Variants in CCN3 observed in about 807,000 individuals in gnomAD.
CCN3 encodes CCN family member 3.
CCN3 carries 20 observed loss-of-function variants against 33.4 expected under a neutral mutation model. The observed-to-expected ratio is 0.60, with a 90% CI of 0.42 to 0.87. The LOEUF (loss-of-function observed/expected upper bound fraction) is 0.87, where lower values mean the gene tolerates loss of function less well. CCN3 is among the 40% of genes least tolerant of loss of function. CCN3 has a pLI of 0.00. For synonymous variants in CCN3, 205 were observed against 170.4 expected (o/e 1.20, Z -1.58); for missense variants, 465 against 455.3 (o/e 1.02, Z -0.19).
intron 4 of CCN3, among the ~76,000 whole-genome samples, chr8:119,421,130 TGCCTCA>T (rs1820118545): frequency 6.7e-6 from 1 of 149,632 alleles, no homozygotes; most frequent in Admixed American, 6.7e-5. Context: ...GCTATTCTCC[TGCCTCA>T]GCCTCCTCAG....
chr8:119,419,721 T>C (rs531451394), intron 4 of CCN3, among the ~76,000 whole-genome samples: 5 of 152,328 alleles, frequency 3.3e-5, no homozygotes, highest in African/African-American at 1.2e-4. Flanking sequence ...ATTCGTCAGG[T>C]TCTGTATGTA....
At position 119,419,225 on chromosome 8, in the gene CCN3, C is replaced by T; in HGVS notation, c.657C>T (p.Ser219=). Residue 219 remains serine (S), a synonymous_variant, in exon 4 of 5, where the codon AGC becomes AGT. Coordinates refer to ENST00000259526, the MANE Select transcript of CCN3 (RefSeq NM_002514.4). ...CAGAGTGGACAGCATGCTCCAAGAG[C>T]TGTGGTATGGGGTTCTCCACCCGGG... The part of the protein sequence containing the change: ...QTTEWTACSK[S]CGMGFSTRVT... 6.2e-7 allele frequency: 1 copy of T among 1,614,234 alleles called. No homozygotes were observed. The highest frequency in any genetic ancestry group is 8.5e-7 in the Non-Finnish European group (1 of 1,180,046).
chr8:119,421,270 A>G (rs1247233525), intron 4 of CCN3, among the ~76,000 whole-genome samples: 1 of 151,974 alleles, frequency 6.6e-6, no homozygotes, highest in East Asian at 1.9e-4. Flanking sequence ...CGGCCTCCCA[A>G]AGTGCTGGGA....
chr8:119,421,184 AT>A (rs1820119401), intron 4 of CCN3, among the ~76,000 whole-genome samples: 4 of 151,340 alleles, frequency 2.6e-5, no homozygotes, highest in African/African-American at 7.3e-5. Flanking sequence ...ATTTTTTTGT[AT>A]TTTTTAGTAG....
chr8:119,422,821 T>C lies in CCN3; in HGVS notation c.778-15T>C. ...TGGTAGCCATTCAATACATCACTTC[T>C]TTTTTCTTTCTTAGAAAGGAAAAAA... On this transcript the variant is annotated splice_polypyrimidine_tract_variant and intron_variant, in intron 4 of 4. Coordinates refer to ENST00000259526, the MANE Select transcript of CCN3 (RefSeq NM_002514.4). The C allele has an allele frequency of 6.3e-7, 1 of 1,587,214 alleles. No homozygotes were observed. Among genetic ancestry groups the C allele is most frequent in the Non-Finnish European group, 8.6e-7 (1 of 1,165,446 alleles).
chr8:119,419,124 C>T lies in CCN3; in HGVS notation c.563-7C>T, dbSNP rs1279190376. 4 of 1,610,162 alleles carry T rather than the reference C, an allele frequency of 2.5e-6. No individual in the cohort carries two copies. In the Admixed American group the frequency reaches 6.7e-5, roughly 27 times the overall value. ...AATATGGCTGTCTTTATTTATACAT[C>T]CCATAGCTTACAGGCCAGAAGCCAC... On this transcript the variant is annotated splice_polypyrimidine_tract_variant and splice_region_variant and intron_variant, in intron 3 of 4. Coordinates refer to ENST00000259526, the MANE Select transcript of CCN3 (RefSeq NM_002514.4).
In CCN3 at chr8:119,422,906, G is replaced by C. The variant is rs773615463; in HGVS notation, c.848G>C (p.Ser283Thr). Reference sequence around the variant, plus strand: ...CACCTGCAGTTCAAGAACTGCACCAGCCTGCACACCTACAAGCCCAGGTTC... The same window carrying C: ...CACCTGCAGTTCAAGAACTGCACCACCCTGCACACCTACAAGCCCAGGTTC... ...AIHLQFKNCT[S>T]LHTYKPRFCG... is the part of the protein sequence containing the mutation. Residue 283 changes from serine (S) to threonine (T), a missense_variant, in exon 5 of 5, where the codon AGC becomes ACC. Transcript: ENST00000259526. 6.2e-7 allele frequency: 1 copy of C among 1,614,026 alleles called. No homozygotes were observed. The highest frequency in any genetic ancestry group is 8.5e-7 in the Non-Finnish European group (1 of 1,179,984).
Position 119,419,316 on chromosome 8 carries a change from G to T in CCN3, c.748G>T (p.Glu250Ter). The T allele has an allele frequency of 6.2e-7, 1 of 1,613,962 alleles. No homozygotes were observed. The highest frequency in any genetic ancestry group is 1.1e-5 in the South Asian group (1 of 91,060). ...QTRLCMVRPC[E>*]QEPEQPTDKK... ...TCGGCTCTGCATGGTGCGGCCCTGT[G>T]AACAAGAGCCAGAGCAGCCAACAGA... is the stretch of plus-strand genomic sequence containing the variant. Residue 250 changes from glutamate to a stop codon, truncating the protein, a stop_gained, in exon 4 of 5, where the codon GAA becomes TAA. Transcript: ENST00000259526. LOFTEE classifies it high-confidence loss of function.
At position 119,419,310 on chromosome 8, in the gene CCN3, C is replaced by A. The variant is rs369402971; in HGVS notation, c.742C>A (p.Pro248Thr). The A allele has an allele frequency of 4.3e-6, 7 of 1,613,908 alleles. No individual in the cohort carries two copies. In the African/African-American group the frequency reaches 6.7e-5, roughly 15 times the overall value. ...LKQTRLCMVR[P>T]CEQEPEQPTD... ...ACAGACTCGGCTCTGCATGGTGCGG[C>A]CCTGTGAACAAGAGCCAGAGCAGCC... is the stretch of plus-strand genomic sequence containing the variant. Residue 248 changes from proline (P) to threonine (T), a missense_variant, in exon 4 of 5, where the codon CCC (proline) becomes ACC (threonine). Coordinates refer to ENST00000259526, the MANE Select transcript of CCN3 (RefSeq NM_002514.4).
chr8:119,418,063 G>C lies in CCN3; in HGVS notation c.316G>C (p.Glu106Gln). ...TTGCTTCCCCAATATTCTAGCGGTA[G>C]AGGGAGATAACTGTGTGTTCGATGG... ...SNQTGICTAV[E>Q]GDNCVFDGVI... Residue 106 changes from glutamate (E) to glutamine (Q), a missense_variant, in exon 3 of 5, where the codon GAG becomes CAG. By Grantham distance (29) the Glu-to-Gln change is conservative. Coordinates refer to ENST00000259526, the MANE Select transcript of CCN3 (RefSeq NM_002514.4). The C allele has an allele frequency of 6.2e-7, 1 of 1,611,194 alleles. No individual in the cohort carries two copies. The highest frequency in any genetic ancestry group is 1.7e-5 in the Admixed American group (1 of 59,978).
intron 4 of CCN3, among the ~76,000 whole-genome samples, chr8:119,420,582 C>A (rs1214337668): frequency 5.9e-5 from 9 of 152,114 alleles, no homozygotes; most frequent in Non-Finnish European, 1.3e-4. Flanking sequence ...TGCACTTCCC[C>A]ACGCTCAGAG....
At chr8:119,420,743 TAAG>T (rs984704834) in intron 4 of CCN3, among the ~76,000 whole-genome samples, 14 of 152,180 alleles carry the variant, frequency 9.2e-5, no homozygotes, top group South Asian at 2.1e-4. Flanking sequence ...ATTGAAAAAG[TAAG>T]AAGAAGTCCT....
In CCN3 at chr8:119,416,898, C is replaced by A; in HGVS notation, c.239C>A (p.Pro80Gln). The change falls in exon 2 of 5, where the codon CCA becomes CAA. Residue 80 changes from proline (P) to glutamine (Q), a missense_variant. By Grantham distance (76) the Pro-to-Gln change is moderately conservative. Coordinates refer to ENST00000259526, the MANE Select transcript of CCN3 (RefSeq NM_002514.4). The stretch of plus-strand genomic sequence containing the variant: ...GGCGAGAGCTGCTCAGATCTGGAGC[C>A]ATGCGACGAGAGCAGTGGCCTCTAC... Reference protein sequence around the residue: ...QRGESCSDLEPCDESSGLYCD... With the variant: ...QRGESCSDLEQCDESSGLYCD... 2 of 1,613,984 alleles carry A rather than the reference C, an allele frequency of 1.2e-6. No homozygotes were observed. Among genetic ancestry groups the A allele is most frequent in the Non-Finnish European group, 1.7e-6 (2 of 1,180,026 alleles).
Position 119,422,953 on chromosome 8 carries a change from C to G in CCN3, c.895C>G (p.Arg299Gly). Reference sequence around the variant, plus strand: ...GTTCTGTGGGGTCTGCAGTGATGGCCGCTGCTGCACTCCCCACAATACCAA... The same window carrying G: ...GTTCTGTGGGGTCTGCAGTGATGGCGGCTGCTGCACTCCCCACAATACCAA... ...PRFCGVCSDG[R>G]CCTPHNTKTI... The change falls in exon 5 of 5, where the codon CGC (arginine) becomes GGC (glycine). Residue 299 changes from arginine to glycine, a missense_variant. Transcript: ENST00000259526. 6.2e-7 allele frequency: 1 copy of G among 1,614,080 alleles called. No individual in the cohort carries two copies. Among genetic ancestry groups the G allele is most frequent in the Non-Finnish European group, 8.5e-7 (1 of 1,180,022 alleles).
In CCN3 at chr8:119,416,455, A is replaced by T; in HGVS notation, c.-78A>T. The stretch of plus-strand genomic sequence containing the variant: ...GCTGGGCGTGATCGGCAAGCACCGG[A>T]CCAGGGGGAAGGCGAGCAGTGCCAA... On this transcript the variant is annotated 5_prime_UTR_variant, in exon 1 of 5. Coordinates refer to ENST00000259526, the MANE Select transcript of CCN3 (RefSeq NM_002514.4). 1 of 1,393,684 alleles carries T rather than the reference A, an allele frequency of 7.2e-7. No individual in the cohort carries two copies. Among genetic ancestry groups the T allele is most frequent in the Non-Finnish European group, 1.0e-6 (1 of 992,528 alleles). The allele number at this position is 1,393,684 out of a possible 1,614,324, so 86.3% of individuals were successfully genotyped here.
chr8:119,420,749 G>A (rs909931517), intron 4 of CCN3, among the ~76,000 whole-genome samples: 5 of 152,104 alleles, frequency 3.3e-5, no homozygotes, highest in Non-Finnish European at 7.3e-5. Flanking sequence ...AAAGTAAGAA[G>A]AAGTCCTTAA....
chr8:119,421,738 C>T (rs1213970637), intron 4 of CCN3, among the ~76,000 whole-genome samples: 1 of 152,126 alleles, frequency 6.6e-6, no homozygotes, highest in Non-Finnish European at 1.5e-5. Context: ...TTCCTGGGTT[C>T]ATCACGTAAT....
At chr8:119,416,722 T>C (rs1259880575) in intron 1 of CCN3, 22 bp from the exon 2 acceptor site, 1 of 1,578,332 alleles carries the variant, frequency 6.3e-7, no homozygotes, top group African/African-American at 1.3e-5. Flanking sequence ...GAGTGGTTTC[T>C]CCTTGTCTCG....
chr8:119,418,394 G>T (rs547127612), intron 3 of CCN3, 85 bp downstream of exon 3: 13 of 1,522,610 alleles, frequency 8.5e-6, no homozygotes, highest in African/African-American at 4.2e-5. Context: ...GATTTGAAAA[G>T]AGAAACTGGC....
Sources: allele counts gnomAD v4.1 joint callset (sites outside exome capture counted in the v4.1 genomes callset), GRCh38; gene constraint gnomAD v4.1.1; transcripts MANE v1.5; gene names NCBI Gene and HGNC (gene_info 2026-07-23, HGNC 2026-07-21).